SNAP25: variants seen among roughly 807,000 people sequenced by gnomAD.
SNAP25 encodes synaptosomal-associated protein 25.
Under a neutral mutation model 28.7 loss-of-function variants are expected in SNAP25, and 3 were observed. The observed-to-expected ratio is 0.10, with a 90% confidence interval of 0.05 to 0.27. SNAP25 has a LOEUF of 0.27. Among genes scored for constraint, SNAP25 ranks in the 10% least tolerant of loss-of-function variants. SNAP25 has a pLI of 1.00. For missense variants in SNAP25, 117 were observed against 278.7 expected (o/e 0.42, Z 4.13); for synonymous variants, 61 against 88.1 (o/e 0.69, Z 1.72).
chr20:10,220,921 T>G (rs1165752661), intron 1 of SNAP25, among the ~76,000 whole-genome samples: 2 of 152,158 alleles, frequency 1.3e-5, no homozygotes, highest in Non-Finnish European at 2.9e-5. Context: ...TTTTTCTTTT[T>G]ATAGATGACC....
At chr20:10,295,688 CA>C (rs33935419) in intron 5 of SNAP25, among the ~76,000 whole-genome samples, 1 of 151,136 alleles carries the variant, frequency 6.6e-6, no homozygotes, top group Non-Finnish European at 1.5e-5. Context: ...TGGTGTCTTA[CA>C]AAAAAAAATG....
chr20:10,237,418 A>G (rs1014598207), intron 1 of SNAP25, among the ~76,000 whole-genome samples: 1 of 152,186 alleles, frequency 6.6e-6, no homozygotes. Flanking sequence ...CTCACAGTAG[A>G]GGCACTAGCA....
chr20:10,275,182 G>A (rs767993584), intron 1 of SNAP25, among the ~76,000 whole-genome samples: 75 of 152,134 alleles, frequency 4.9e-4, no homozygotes, highest in Non-Finnish European at 8.8e-4. Flanking sequence ...CCCTTGGGTA[G>A]TTTGTCTCTT....
At chr20:10,221,908 G>A (rs2079422252) in intron 1 of SNAP25, among the ~76,000 whole-genome samples, 1 of 152,216 alleles carries the variant, frequency 6.6e-6, no homozygotes, top group African/African-American at 2.4e-5. Context: ...GTTGAGAGAG[G>A]AGACATGAAG....
intron 1 of SNAP25, among the ~76,000 whole-genome samples, chr20:10,245,228 A>G (rs1433152046): frequency 6.6e-6 from 1 of 152,170 alleles, no homozygotes; most frequent in Admixed American, 6.5e-5. Flanking sequence ...GAAATATCTC[A>G]TTCTCTCTCT....
intron 1 of SNAP25, among the ~76,000 whole-genome samples, chr20:10,261,250 G>A (rs1246025147): frequency 1.3e-5 from 2 of 152,022 alleles, no homozygotes; most frequent in African/African-American, 2.4e-5. Flanking sequence ...AACTACAAAC[G>A]AATGAGTATG....
At chr20:10,290,116 G>C (rs370903271) in intron 4 of SNAP25, among the ~76,000 whole-genome samples, 2 of 152,116 alleles carry the variant, frequency 1.3e-5, no homozygotes, top group Admixed American at 6.5e-5. Flanking sequence ...AGATGCTGCT[G>C]TTCATCCCAG....
intron 1 of SNAP25, among the ~76,000 whole-genome samples, chr20:10,238,950 G>T (rs976027397): frequency 7.1e-6 from 1 of 141,302 alleles, no homozygotes; most frequent in Non-Finnish European, 1.5e-5. Flanking sequence ...CATCAATGCT[G>T]GCACCATCTC....
intron 5 of SNAP25, among the ~76,000 whole-genome samples, chr20:10,296,034 A>G (rs897751576): frequency 6.6e-6 from 1 of 152,176 alleles, no homozygotes; most frequent in African/African-American, 2.4e-5. Context: ...TCAAATCCTC[A>G]TGAAGGCTAT....
Position 10,275,491 on chromosome 20 carries a change from C to G in SNAP25, c.-1C>G. 1 of 1,603,356 alleles carries G rather than the reference C, an allele frequency of 6.2e-7. No individual in the cohort carries two copies. The highest frequency in any genetic ancestry group is 8.5e-7 in the Non-Finnish European group (1 of 1,174,658). On this transcript the variant is annotated 5_prime_UTR_variant, in exon 2 of 8. Coordinates refer to ENST00000254976, the MANE Select transcript of SNAP25 (RefSeq NM_130811.4). ...GCGCCCAGCCACTCCCCACCGCTAC[C>G]ATGGCCGAAGACGCAGACATGCGCA...
chr20:10,295,530 CTTGA>C (rs2064090048), intron 5 of SNAP25, among the ~76,000 whole-genome samples: 1 of 152,150 alleles, frequency 6.6e-6, no homozygotes, highest in African/African-American at 2.4e-5. Flanking sequence ...GCATTATAGA[CTTGA>C]TTGTGGGAGT....
At chr20:10,277,546 T>A (rs2123017999) in intron 2 of SNAP25, 139 bp from the exon 3 acceptor site, 6 of 666,580 alleles carry the variant, frequency 9.0e-6, no homozygotes, top group South Asian at 5.9e-5. Context: ...AATGACATTT[T>A]TTGTTTCACT....
intron 2 of SNAP25, among the ~76,000 whole-genome samples, chr20:10,276,093 G>A (rs947383253): frequency 1.3e-5 from 2 of 152,138 alleles, no homozygotes; most frequent in Admixed American, 6.5e-5. Flanking sequence ...TGGAAATAAG[G>A]TATAATAATG....
chr20:10,296,413 C>T lies in SNAP25; in HGVS notation c.282-512C>T, dbSNP rs139529618. The T allele has an allele frequency of 1.8e-4, 29 of 158,910 alleles. No individual in the cohort carries two copies. In the East Asian group the frequency reaches 4.6e-3, roughly 25 times the overall value. The allele number at this position is 158,910 out of a possible 1,614,324, so 9.8% of individuals were successfully genotyped here. On this transcript the variant is annotated intron_variant, in intron 5 of 7. Coordinates refer to ENST00000254976, the MANE Select transcript of SNAP25 (RefSeq NM_130811.4). ...GAGCTTTGGAAATGTTAGTTCCACA[C>T]GTGTTGGGAAAAAAAAATATTCCAC...
intron 1 of SNAP25, among the ~76,000 whole-genome samples, chr20:10,237,110 G>A (rs1322114249): frequency 3.3e-5 from 5 of 152,100 alleles, no homozygotes; most frequent in Middle Eastern, 3.2e-3. Flanking sequence ...CCTAGGAAGC[G>A]CTGATGGGGG....
chr20:10,299,878 C>A (rs975556690), intron 7 of SNAP25, among the ~76,000 whole-genome samples: 2 of 152,156 alleles, frequency 1.3e-5, no homozygotes, highest in African/African-American at 4.8e-5. Flanking sequence ...TGAATTGAAT[C>A]TTGAAGGATG....
At chr20:10,286,531 A>G (rs1377595802) in intron 4 of SNAP25, among the ~76,000 whole-genome samples, 1 of 152,152 alleles carries the variant, frequency 6.6e-6, no homozygotes, top group Non-Finnish European at 1.5e-5. Flanking sequence ...TTGGGCAGAA[A>G]TGTTCTAGCA....
intron 1 of SNAP25, among the ~76,000 whole-genome samples, chr20:10,268,117 A>G (rs1444717734): frequency 6.6e-6 from 1 of 152,180 alleles, no homozygotes; most frequent in East Asian, 1.9e-4. Flanking sequence ...AGCCCTCCGT[A>G]AGTGTTAGTT....
chr20:10,229,400 C>T (rs1440011036), intron 1 of SNAP25, among the ~76,000 whole-genome samples: 1 of 152,090 alleles, frequency 6.6e-6, no homozygotes. Flanking sequence ...TTCCTACATG[C>T]ATCATCTCAT....
Sources: gnomAD v4.1 joint callset for allele counts (sites outside exome capture counted in the v4.1 genomes callset) on GRCh38, gnomAD v4.1.1 for gene constraint, MANE v1.5 for transcripts, NCBI Gene and HGNC (gene_info 2026-07-23, HGNC 2026-07-21) for gene names.